Variants in TTLL6 observed in about 807,000 individuals in gnomAD.
TTLL6 encodes the protein tubulin polyglutamylase TTLL6.
Under a neutral mutation model 96.4 loss-of-function variants are expected in TTLL6, and 75 were observed. That is an observed-to-expected ratio of 0.78 (90% CI 0.65 to 0.94). The LOEUF is 0.94. TTLL6 is among the 40% of genes least tolerant of loss of function. The pLI, the probability that TTLL6 is intolerant of heterozygous loss-of-function variation, is 0.00. For synonymous variants in TTLL6, 411 were observed against 419.4 expected, an observed-to-expected ratio of 0.98 and a Z score of 0.24; for missense variants, 1,030 against 1,093.0, an observed-to-expected ratio of 0.94 and a Z score of 0.81.
chr17:48,817,162 C>T lies in TTLL6; in HGVS notation c.-90G>A. 1.1e-6 allele frequency: 1 copy of T among 902,000 alleles called. No homozygotes were observed. The highest frequency in any genetic ancestry group is 1.6e-6 in the Non-Finnish European group (1 of 613,648). The allele number at this position is 902,000 out of a possible 1,614,324, so 55.9% of individuals were successfully genotyped here. A position where few individuals can be genotyped will look rare whatever the true frequency, so the allele number is the denominator to read the frequency against. ...TATTTGCATACGGGGCCTTCTAGGC[C>T]TTCGATTGGCCCCTGCAGTAGCTGC... On this transcript the variant is annotated 5_prime_UTR_variant, in exon 1 of 16. Coordinates refer to ENST00000393382, the MANE Select transcript of TTLL6 (RefSeq NM_001130918.3).
At chr17:48,764,031 G>T (rs1029651895) in intron 15 of TTLL6, among the ~76,000 whole-genome samples, 6 of 152,016 alleles carry the variant, frequency 3.9e-5, no homozygotes, top group Admixed American at 3.9e-4. Flanking sequence ...AGCTACTCAG[G>T]AGGCAGAAGT....
At chr17:48,771,841 A>G (rs2143202498) in intron 13 of TTLL6, among the ~76,000 whole-genome samples, 1 of 151,846 alleles carries the variant, frequency 6.6e-6, no homozygotes, top group South Asian at 2.1e-4. Context: ...TTGGGAGGAC[A>G]AGGCAGGAGG....
At chr17:48,806,302 A>G (rs1457196343) in intron 1 of TTLL6, 1 of 152,198 alleles carries the variant, frequency 6.6e-6, no homozygotes, top group East Asian at 1.9e-4. Context: ...TCAAATATCA[A>G]CTATTTTTAA....
intron 1 of TTLL6, 72 bp downstream of exon 1, chr17:48,816,898 G>A: frequency 3.3e-6 from 4 of 1,205,302 alleles, no homozygotes; most frequent in Non-Finnish European, 4.5e-6. Context: ...GACGTGTCTA[G>A]CCAGGTTTTC....
Position 48,817,050 on chromosome 17 carries a change from G to T in TTLL6, c.23C>A (p.Pro8His). MGALLLH[P>H]SRRGPAGVVA... The stretch of plus-strand genomic sequence containing the variant: ...CACACCTGCCGGCCCCCTCCTCGAA[G>T]GATGAAGGAGTAACGCTCCCATTGG... Residue 8 changes from proline (P) to histidine (H), a missense_variant, in exon 1 of 16, where the codon CCT (proline) becomes CAT (histidine). Physicochemically the swap from Pro to His is moderately conservative, Grantham distance 77. Coordinates refer to ENST00000393382, the MANE Select transcript of TTLL6 (RefSeq NM_001130918.3). The T allele has an allele frequency of 6.5e-7, 1 of 1,544,606 alleles. No homozygotes were observed.
chr17:48,804,747 C>G, intron 2 of TTLL6, 25 bp downstream of exon 2: 1 of 1,545,662 alleles, frequency 6.5e-7, no homozygotes, highest in Non-Finnish European at 8.8e-7. Context: ...ACATGGCTCC[C>G]CATTCCCCAG....
At chr17:48,802,772 G>T (rs528539911) in intron 3 of TTLL6, among the ~76,000 whole-genome samples, 1 of 152,372 alleles carries the variant, frequency 6.6e-6, no homozygotes, top group South Asian at 2.1e-4. Context: ...TCAGGAGGCT[G>T]AGGCAGGAGA....
In TTLL6 at chr17:48,807,729, C is replaced by T. The variant is rs576531381; in HGVS notation, c.104-2738G>A. ...ATTGCGCCATGTTGGCCAAGCTGGT[C>T]TTCAACTCCTGACCTCAAGCAATCT... On this transcript the variant is annotated intron_variant, in intron 1 of 15. Coordinates refer to ENST00000393382, the MANE Select transcript of TTLL6 (RefSeq NM_001130918.3). Among the ~76,000 whole-genome samples, 13 of 152,108 alleles carry T rather than the reference C, an allele frequency of 8.5e-5. No homozygotes were observed. In the South Asian group the frequency reaches 1.0e-3, roughly 12 times the overall value.
At chr17:48,765,333 G>A (rs2143155108) in intron 15 of TTLL6, among the ~76,000 whole-genome samples, 1 of 152,188 alleles carries the variant, frequency 6.6e-6, no homozygotes, top group African/African-American at 2.4e-5. Context: ...GATCGTTTGA[G>A]CCCTGGAGTT....
In TTLL6 at chr17:48,787,827, G is replaced by A. The variant is rs777169014; in HGVS notation, c.1573C>T (p.Arg525Trp). 11 of 1,613,794 alleles carry A rather than the reference G, an allele frequency of 6.8e-6. No individual in the cohort carries two copies. The highest frequency in any genetic ancestry group is 6.7e-5 in the East Asian group (3 of 44,896). Residue 525 changes from arginine to tryptophan, a missense_variant, in exon 11 of 16, where the codon CGG (arginine) becomes TGG (tryptophan). Coordinates refer to ENST00000393382, the MANE Select transcript of TTLL6 (RefSeq NM_001130918.3). ...TCTTCCTACCGGGCATACTCCTCCC[G>A]AGCCCTGGAAGCAACAGTATTCTGG... ...LFQNTVASRA[R>W]EEYARQLIQE...
chr17:48,781,720 GT>G (rs1296217646), intron 13 of TTLL6, among the ~76,000 whole-genome samples: 4 of 152,174 alleles, frequency 2.6e-5, no homozygotes. Flanking sequence ...GAATGCTGAT[GT>G]CCCCCCAAAA....
At chr17:48,804,508 AT>A in intron 2 of TTLL6, 2 of 615,612 alleles carry the variant, frequency 3.2e-6, no homozygotes, top group South Asian at 3.0e-5. Context: ...TTTTCCTGCT[AT>A]TTTTTAAAGG....
At chr17:48,788,247 G>A (rs548317764) in intron 10 of TTLL6, among the ~76,000 whole-genome samples, 5 of 152,314 alleles carry the variant, frequency 3.3e-5, no homozygotes, top group African/African-American at 1.2e-4. Flanking sequence ...ACCAAATTCT[G>A]TCCTGTTCCA....
chr17:48,806,474 A>G (rs2039507017), intron 1 of TTLL6, among the ~76,000 whole-genome samples: 1 of 151,540 alleles, frequency 6.6e-6, no homozygotes, highest in Non-Finnish European at 1.5e-5. Flanking sequence ...TCCTCTCTTC[A>G]CCTCCGAAAA....
chr17:48,777,011 G>GACACACACAC (rs71369215), intron 13 of TTLL6, among the ~76,000 whole-genome samples: 1,854 of 141,462 alleles, frequency 0.013, 14 homozygotes, highest in African/African-American at 0.015. Flanking sequence ...CATAAGGATA[G>GACACACACAC]ACACACACAC....
chr17:48,810,445 C>G (rs2039563509), intron 1 of TTLL6, among the ~76,000 whole-genome samples: 1 of 152,108 alleles, frequency 6.6e-6, no homozygotes, highest in African/African-American at 2.4e-5. Flanking sequence ...TGTTTAATCT[C>G]CAAGGCTGAA....
At chr17:48,794,432 C>T (rs1338910000) in intron 8 of TTLL6, 5 of 1,377,462 alleles carry the variant, frequency 3.6e-6, no homozygotes, top group Admixed American at 5.2e-5. Context: ...AGTCTCATCA[C>T]GTTCATCCTC....
At chr17:48,772,393 T>C (rs1360842735) in intron 13 of TTLL6, among the ~76,000 whole-genome samples, 2 of 152,080 alleles carry the variant, frequency 1.3e-5, no homozygotes, top group Non-Finnish European at 2.9e-5. Context: ...GTTGGTTCAT[T>C]AGCAGACAAG....
chr17:48,809,299 G>A (rs11869308), intron 1 of TTLL6, among the ~76,000 whole-genome samples: 7,714 of 152,230 alleles, frequency 0.051, 378 homozygotes, highest in African/African-American at 0.13. Context: ...GCAAAGTTCA[G>A]GGGAACTAAG....
Sources: allele counts gnomAD v4.1 joint callset (sites outside exome capture counted in the v4.1 genomes callset), GRCh38; gene constraint gnomAD v4.1.1; transcripts MANE v1.5; gene names NCBI Gene and HGNC (gene_info 2026-07-23, HGNC 2026-07-21).